IL3RA: variants seen among roughly 807,000 people sequenced by gnomAD.
The protein encoded by IL3RA is interleukin 3 receptor subunit alpha, also known as interleukin-3 receptor subunit alpha.
In IL3RA, 73 loss-of-function variants were observed where a neutral mutation model predicts 52.3. That is an observed-to-expected ratio of 1.40 (90% confidence interval 1.16 to 1.70). The LOEUF is 1.70. Ranked by LOEUF, IL3RA falls within the 40% of genes most tolerant of loss-of-function variation. The pLI is 0.00. For missense variants in IL3RA, 664 were observed against 504.4 expected, an observed-to-expected ratio of 1.32 and a Z score of -3.03; for synonymous variants, 260 against 194.0, an observed-to-expected ratio of 1.34 and a Z score of -2.83.
intron 2 of IL3RA, among the ~76,000 whole-genome samples, chrX:1,343,140 G>A (rs1377217554): frequency 3.3e-5 from 5 of 151,922 alleles, no homozygotes; most frequent in Non-Finnish European, 7.4e-5. Flanking sequence ...TTGTTTTAAG[G>A]GATAAATTAT....
intron 8 of IL3RA, among the ~76,000 whole-genome samples, chrX:1,362,127 T>C (rs1170850851): frequency 6.8e-6 from 1 of 146,510 alleles, no homozygotes; most frequent in Admixed American, 6.9e-5. Flanking sequence ...TTTGTCTCTC[T>C]ATGTCTCTCT....
At chrX:1,345,227 C>G in intron 2 of IL3RA, 89 bp from the exon 3 acceptor site, 1 of 748,872 alleles carries the variant, frequency 1.3e-6, no homozygotes, top group Non-Finnish European at 2.1e-6. Flanking sequence ...TGGCTAACTC[C>G]ACGGGCAAAA....
At chrX:1,340,144 C>T (rs1411149486) in intron 1 of IL3RA, among the ~76,000 whole-genome samples, 1 of 134,160 alleles carries the variant, frequency 7.5e-6, no homozygotes, top group Non-Finnish European at 1.6e-5. Flanking sequence ...GAGACGGAGT[C>T]TCGCTCTGTC....
At position 1,356,209 on chromosome X, in the gene IL3RA, T is replaced by TCTC. The variant is rs1243600923; in HGVS notation, c.617-11_617-9dup. 2.2e-5 allele frequency: 33 copies of TCTC among 1,511,716 alleles called. No individual in the cohort carries two copies. Among genetic ancestry groups the TCTC allele is most frequent in the Non-Finnish European group, 2.9e-5 (32 of 1,096,820 alleles). The allele number at this position is 1,511,716 out of a possible 1,614,324, so 93.6% of individuals were successfully genotyped here. A position where few individuals can be genotyped will look rare whatever the true frequency, so the allele number is the denominator to read the frequency against. ...TACTCCTAAATCCTAAAAGTGTTTT[T>TCTC]CTCGTTGCTAGAGATATTAACTCCA... On this transcript the variant is annotated splice_polypyrimidine_tract_variant and intron_variant, in intron 6 of 11. Coordinates refer to ENST00000331035, the MANE Select transcript of IL3RA (RefSeq NM_002183.4).
At position 1,345,443 on chromosome X, in the gene IL3RA, T is replaced by C; in HGVS notation, c.183+9T>C. The C allele has an allele frequency of 1.3e-6, 2 of 1,486,036 alleles. No homozygotes were observed. The highest frequency in any genetic ancestry group is 2.3e-5 in the East Asian group (1 of 43,650). The allele number at this position is 1,486,036 out of a possible 1,614,324, so 92.1% of individuals were successfully genotyped here. A position where few individuals can be genotyped will look rare whatever the true frequency, so the allele number is the denominator to read the frequency against. On this transcript the variant is annotated intron_variant, in intron 3 of 11. Coordinates refer to ENST00000331035, the MANE Select transcript of IL3RA (RefSeq NM_002183.4). The stretch of plus-strand genomic sequence containing the variant: ...CCGACTATTCTATGCCGGTAAATCA[T>C]ACTCTCTATTGTTTTTTTATTTTTA...
In IL3RA at chrX:1,380,956, G is replaced by A. The variant is rs866312399; in HGVS notation, c.981-67G>A. 7.2e-5 allele frequency: 95 copies of A among 1,322,532 alleles called. No individual in the cohort carries two copies. In the Middle Eastern group the frequency reaches 7.7e-3, roughly 107 times the overall value. 81.9% of individuals were successfully genotyped at this position (1,322,532 alleles called of 1,614,324 possible). Reference sequence around the variant, plus strand: ...TCCTGGCACTGTCTGTCCTGGACACGCTGTGTCCCAGATGATGAGCTGGTC... The same window carrying A: ...TCCTGGCACTGTCTGTCCTGGACACACTGTGTCCCAGATGATGAGCTGGTC... On this transcript the variant is annotated intron_variant, in intron 10 of 11. Transcript: ENST00000331035.
At chrX:1,351,574 C>T (rs566794547) in intron 4 of IL3RA, among the ~76,000 whole-genome samples, 1 of 151,592 alleles carries the variant, frequency 6.6e-6, no homozygotes. Context: ...GGTGATCCTC[C>T]TGCCTCGGCC....
At chrX:1,380,033 G>C (rs2089066736) in intron 10 of IL3RA, among the ~76,000 whole-genome samples, 1 of 150,160 alleles carries the variant, frequency 6.7e-6, no homozygotes, top group Non-Finnish European at 1.5e-5. Flanking sequence ...GTGCTGGGAT[G>C]ACAGGCGTGA....
rs766249645 is a variant in IL3RA at position 1,348,452 on chromosome X, C to A, written c.205C>A (p.Gln69Lys). The change falls in exon 4 of 12, where the codon CAG becomes AAG. Residue 69 changes from glutamine to lysine, a missense_variant. By Grantham distance (53) the Gln-to-Lys change is moderately conservative. Transcript: ENST00000331035. ...TTAGGCAGTGAACAATAGCTATTGC[C>A]AGTTTGGAGCAATTTCCTTATGTGA... ...SMPAVNNSYC[Q>K]FGAISLCEVT... 6.2e-7 allele frequency: 1 copy of A among 1,613,762 alleles called. No homozygotes were observed. Among genetic ancestry groups the A allele is most frequent in the South Asian group, 1.1e-5 (1 of 91,068 alleles).
At chrX:1,353,593 GAT>G (rs2086309562) in intron 6 of IL3RA, among the ~76,000 whole-genome samples, 1 of 17,826 alleles carries the variant, frequency 5.6e-5, no homozygotes, top group Non-Finnish European at 1.2e-4. Context: ...TTCCACATGG[GAT>G]CCCCCATCAT....
intron 8 of IL3RA, among the ~76,000 whole-genome samples, chrX:1,363,293 T>C (rs377086254): frequency 2.7e-5 from 4 of 147,816 alleles, no homozygotes; most frequent in African/African-American, 7.5e-5. Context: ...ATATGAATGG[T>C]CTTTTCTTCT....
chrX:1,359,067 G>A (rs1396457946), intron 8 of IL3RA, among the ~76,000 whole-genome samples, 180 bp downstream of exon 8: 3 of 151,936 alleles, frequency 2.0e-5, no homozygotes, highest in Non-Finnish European at 4.4e-5. Flanking sequence ...ACTCTTGAGT[G>A]TCACCCTTAC....
intron 2 of IL3RA, among the ~76,000 whole-genome samples, chrX:1,344,602 A>G (rs1443221560): frequency 2.0e-4 from 30 of 150,562 alleles, no homozygotes; most frequent in Non-Finnish European, 1.6e-4. Context: ...GTGAAACCCC[A>G]TCTCTAGTAA....
In IL3RA at chrX:1,354,237, C is replaced by T. The variant is rs138754978; in HGVS notation, c.616+1731C>T. ...CCCACGCCAGTCACCTCCCAAAGAC[C>T]CCACCTTCTAACACCGCCCAACCAG... On this transcript the variant is annotated intron_variant, in intron 6 of 11. Transcript: ENST00000331035. Among the ~76,000 whole-genome samples, 714 of 152,286 alleles carry T rather than the reference C, an allele frequency of 4.7e-3. 3 individuals carry two copies. Among genetic ancestry groups the T allele is most frequent in the African/African-American group, 0.016 (669 of 41,572 alleles).
rs536850887 is a variant in IL3RA, at chrX:1,382,405, G to A, written c.1077G>A (p.Ala359=). The A allele has an allele frequency of 1.4e-5, 23 of 1,613,616 alleles. No individual in the cohort carries two copies. Among genetic ancestry groups the A allele is most frequent in the East Asian group, 4.5e-5 (2 of 44,878 alleles). ...FQNDKLVVWE[A]GKAGLEECLV... The stretch of plus-strand genomic sequence containing the variant: ...CGTCTCTGCAGGTGGTCTGGGAGGC[G>A]GGCAAAGCCGGCCTGGAGGAGTGTC... Residue 359 remains alanine (A), a synonymous_variant, in exon 12 of 12, where the codon GCG becomes GCA. Transcript: ENST00000331035.
rs778345469 is a variant in IL3RA, at chrX:1,345,406, G to A, written c.155G>A (p.Cys52Tyr). The A allele has an allele frequency of 5.2e-5, 83 of 1,607,516 alleles. 1 individual carries two copies. The South Asian group carries it at 8.5e-4, about 17-fold the overall frequency. Residue 52 changes from cysteine to tyrosine, a missense_variant, in exon 3 of 12, where the codon TGT (cysteine) becomes TAT (tyrosine). Transcript: ENST00000331035. ...AACAGAAATGTGACCGATATCGAGT[G>A]TGTTAAAGACGCCGACTATTCTATG... The part of the protein sequence containing the change: ...DLNRNVTDIE[C>Y]VKDADYSMPA...
intron 7 of IL3RA, among the ~76,000 whole-genome samples, chrX:1,358,317 C>T (rs1181992090): frequency 4.0e-5 from 6 of 151,846 alleles, no homozygotes; most frequent in South Asian, 2.1e-4. Flanking sequence ...GTTTGTCCAC[C>T]GGCCTCACAA....
intron 1 of IL3RA, among the ~76,000 whole-genome samples, chrX:1,339,508 G>A (rs769810837): frequency 2.6e-5 from 4 of 152,194 alleles, no homozygotes; most frequent in African/African-American, 9.6e-5. Flanking sequence ...TTTAAAAGAT[G>A]TTAGGCCGGG....
intron 8 of IL3RA, among the ~76,000 whole-genome samples, chrX:1,362,424 C>T (rs1312385697): frequency 2.6e-5 from 4 of 151,312 alleles, no homozygotes; most frequent in Admixed American, 6.6e-5. Context: ...CCTCTGTCTC[C>T]CTTCTCTGTG....
Sources: gnomAD v4.1 joint callset for allele counts (sites outside exome capture counted in the v4.1 genomes callset) on GRCh38, gnomAD v4.1.1 for gene constraint, MANE v1.5 for transcripts, NCBI Gene and HGNC (gene_info 2026-07-23, HGNC 2026-07-21) for gene names.